The following TMC1 variants were observed in gnomAD, a reference collection of about 807,000 sequenced individuals.
TMC1 encodes transmembrane channel like 1, also known as transmembrane channel-like protein 1.
In TMC1, 84 loss-of-function variants were observed where a neutral mutation model predicts 105.8. The observed-to-expected ratio is 0.79, with a 90% confidence interval of 0.67 to 0.95. The LOEUF (loss-of-function observed/expected upper bound fraction) is 0.95. Ranked by LOEUF, TMC1 falls within the 40% of genes least tolerant of loss-of-function variation. The pLI, the probability that TMC1 is intolerant of heterozygous loss-of-function variation, is 0.00. For synonymous variants in TMC1, 315 were observed against 311.5 expected (o/e 1.01, Z -0.12); for missense variants, 817 against 914.1 (o/e 0.89, Z 1.37).
chr9:72,699,410 A>G (rs1826604642), intron 7 of TMC1, among the ~76,000 whole-genome samples: 1 of 152,230 alleles, frequency 6.6e-6, no homozygotes, highest in Non-Finnish European at 1.5e-5. Context: ...TTTGAGAAAT[A>G]GATTTTTATT....
At chr9:72,712,985 G>C (rs966696172) in intron 8 of TMC1, among the ~76,000 whole-genome samples, 2 of 152,058 alleles carry the variant, frequency 1.3e-5, no homozygotes, top group Admixed American at 6.6e-5. Flanking sequence ...TAGCATGAAG[G>C]GCTGTTGAAT....
rs1215737443 is a variant in TMC1 at position 72,616,422 on chromosome 9, G to A, written c.-251G>A. 2.0e-5 allele frequency: 3 copies of A among 151,940 alleles called. No homozygotes were observed. Among genetic ancestry groups the A allele is most frequent in the South Asian group, 2.1e-4 (1 of 4,788 alleles). The allele number at this position is 151,940 out of a possible 1,614,324, so 9.4% of individuals were successfully genotyped here. A position where few individuals can be genotyped will look rare whatever the true frequency, so the allele number is the denominator to read the frequency against. On this transcript the variant is annotated 5_prime_UTR_variant, in exon 3 of 24. Coordinates refer to ENST00000297784, the MANE Select transcript of TMC1 (RefSeq NM_138691.3). ...TGGTGCAGTGGAACAGATAGACCTC[G>A]GTTTGAATCTCAGCTCTACTGTTTA...
intron 1 of TMC1, among the ~76,000 whole-genome samples, chr9:72,543,509 A>T (rs1462479982): frequency 6.6e-6 from 1 of 152,164 alleles, no homozygotes; most frequent in African/African-American, 2.4e-5. Flanking sequence ...TGAGCCAGGC[A>T]CAGTGGCTCA....
intron 2 of TMC1, 188 bp downstream of exon 2, chr9:72,578,211 C>T (rs1307085167): frequency 6.6e-6 from 1 of 152,262 alleles, no homozygotes; most frequent in Non-Finnish European, 1.5e-5. Flanking sequence ...ACTTTGAGCA[C>T]ATTATCTTCT....
chr9:72,734,234 A>G (rs935423152), intron 8 of TMC1, among the ~76,000 whole-genome samples: 3 of 152,252 alleles, frequency 2.0e-5, no homozygotes, highest in African/African-American at 7.2e-5. Context: ...ACTACTTGTA[A>G]CAAACTGTGG....
At chr9:72,670,544 A>G (rs1826112416) in intron 5 of TMC1, among the ~76,000 whole-genome samples, 1 of 152,180 alleles carries the variant, frequency 6.6e-6, no homozygotes, top group Non-Finnish European at 1.5e-5. Context: ...AAGCATGAAA[A>G]TAAATACCCA....
At chr9:72,789,899 G>A (rs541282138) in intron 15 of TMC1, among the ~76,000 whole-genome samples, 26 of 152,220 alleles carry the variant, frequency 1.7e-4, no homozygotes, top group African/African-American at 6.3e-4. Flanking sequence ...ATTTCCTCCT[G>A]TCCTGTACCT....
At chr9:72,737,734 TG>T (rs1827323483) in intron 8 of TMC1, among the ~76,000 whole-genome samples, 1 of 152,250 alleles carries the variant, frequency 6.6e-6, no homozygotes, top group African/African-American at 2.4e-5. Context: ...ACATTGTTAA[TG>T]CTTAGACAGG....
At chr9:72,810,221 C>T (rs1205977727) in intron 18 of TMC1, among the ~76,000 whole-genome samples, 1 of 151,482 alleles carries the variant, frequency 6.6e-6, no homozygotes, top group African/African-American at 2.4e-5. Context: ...TTCTCCTAGA[C>T]CTGCTAATCA....
At chr9:72,736,803 G>A (rs576007093) in intron 8 of TMC1, among the ~76,000 whole-genome samples, 126 of 152,042 alleles carry the variant, frequency 8.3e-4, no homozygotes, top group African/African-American at 2.3e-3. Flanking sequence ...TAAAAATCCC[G>A]ACACTATGCA....
chr9:72,587,623 A>G (rs562104863), intron 2 of TMC1, among the ~76,000 whole-genome samples: 2 of 152,292 alleles, frequency 1.3e-5, no homozygotes, highest in East Asian at 3.9e-4. Context: ...TACCACCACT[A>G]TGAGAGGGGG....
At chr9:72,525,366 T>C (rs1221767501) in intron 1 of TMC1, among the ~76,000 whole-genome samples, 1 of 152,188 alleles carries the variant, frequency 6.6e-6, no homozygotes, top group African/African-American at 2.4e-5. Context: ...GCACGCTTCA[T>C]TGGCTAAAAA....
chr9:72,821,169 C>T (rs2118300021), intron 20 of TMC1, 88 bp downstream of exon 20: 6 of 1,583,544 alleles, frequency 3.8e-6, no homozygotes, highest in South Asian at 2.2e-5. Context: ...GCTATTTTTT[C>T]CCCCCAAACA....
rs189579477 is a variant in TMC1, at chr9:72,567,025, G to A, written c.-427-10877G>A. ...GGTCAAGTTCAAGCTCTCTAGTGTG[G>A]GGGCAGATGTTCCTTTATAATTTTT... On this transcript the variant is annotated intron_variant, in intron 1 of 23. Coordinates refer to ENST00000297784, the MANE Select transcript of TMC1 (RefSeq NM_138691.3). 4.3e-3 allele frequency among the ~76,000 whole-genome samples: 656 copies of A among 152,262 alleles called. 10 individuals are homozygous for A. The highest frequency in any genetic ancestry group is 5.8e-3 in the Non-Finnish European group (397 of 68,024).
At chr9:72,666,312 A>G (rs1398844009) in intron 5 of TMC1, among the ~76,000 whole-genome samples, 2 of 152,074 alleles carry the variant, frequency 1.3e-5, no homozygotes, top group Non-Finnish European at 2.9e-5. Flanking sequence ...ATTCAGAGGC[A>G]TGAGAGATGC....
intron 18 of TMC1, among the ~76,000 whole-genome samples, chr9:72,810,177 A>G (rs1828676738): frequency 1.3e-5 from 2 of 151,422 alleles, no homozygotes; most frequent in African/African-American, 4.9e-5. Context: ...GCTGTTTTAG[A>G]GCAGAAAAGG....
intron 4 of TMC1, among the ~76,000 whole-genome samples, chr9:72,644,619 G>A (rs1825679575): frequency 6.6e-6 from 1 of 152,064 alleles, no homozygotes; most frequent in Admixed American, 6.6e-5. Context: ...ATTCATCTAT[G>A]TTGATGCCAA....
chr9:72,700,976 T>C (rs1826636829), intron 8 of TMC1, among the ~76,000 whole-genome samples: 1 of 151,964 alleles, frequency 6.6e-6, no homozygotes, highest in African/African-American at 2.4e-5. Flanking sequence ...CTCTGAGAAA[T>C]TATTTAGAGT....
chr9:72,644,279 C>T, intron 4 of TMC1, among the ~76,000 whole-genome samples: 1 of 151,682 alleles, frequency 6.6e-6, no homozygotes. Flanking sequence ...TTATAAAGTT[C>T]ACTTTATGTT....
Sources: gnomAD v4.1 joint callset for allele counts (sites outside exome capture counted in the v4.1 genomes callset) on GRCh38, gnomAD v4.1.1 for gene constraint, MANE v1.5 for transcripts, NCBI Gene and HGNC (gene_info 2026-07-23, HGNC 2026-07-21) for gene names.